Variants in KLHL32 observed in about 807,000 individuals in gnomAD.
KLHL32 encodes kelch-like protein 32.
KLHL32 carries 35 observed loss-of-function variants against 64.8 expected under a neutral mutation model. The ratio of observed to expected loss-of-function variants is 0.54; its 90% CI spans 0.41 to 0.72. KLHL32 has a LOEUF of 0.72. Among genes scored for constraint, KLHL32 ranks in the 30% least tolerant of loss-of-function variants. The pLI, the probability that KLHL32 is intolerant of heterozygous loss-of-function variation, is 0.00. For missense variants in KLHL32, 589 were observed against 768.5 expected, an observed-to-expected ratio of 0.77 and a Z score of 2.76; for synonymous variants, 259 against 281.0, an observed-to-expected ratio of 0.92 and a Z score of 0.78.
At chr6:96,999,801 G>A (rs1778817501) in intron 3 of KLHL32, among the ~76,000 whole-genome samples, 1 of 152,160 alleles carries the variant, frequency 6.6e-6, no homozygotes, top group African/African-American at 2.4e-5. Context: ...GGTAAGAACA[G>A]ATAAACCACA....
intron 1 of KLHL32, among the ~76,000 whole-genome samples, chr6:96,951,487 A>G (rs1772587471): frequency 6.6e-6 from 1 of 152,220 alleles, no homozygotes; most frequent in Non-Finnish European, 1.5e-5. Flanking sequence ...GGCATGTTGG[A>G]CAGTGCGCCA....
intron 3 of KLHL32, among the ~76,000 whole-genome samples, chr6:96,988,271 AC>A (rs1294874594): frequency 6.6e-6 from 1 of 152,126 alleles, no homozygotes; most frequent in Admixed American, 6.5e-5. Flanking sequence ...AAAACAAACA[AC>A]CCCATCCACA....
At chr6:97,040,307 T>C (rs116747140) in intron 3 of KLHL32, among the ~76,000 whole-genome samples, 1,857 of 151,744 alleles carry the variant, frequency 0.012, 40 homozygotes, top group African/African-American at 0.044. Flanking sequence ...AGCATGGGGT[T>C]GTATTTTTTT....
At chr6:96,991,090 C>T (rs1354095527) in intron 3 of KLHL32, among the ~76,000 whole-genome samples, 1 of 151,922 alleles carries the variant, frequency 6.6e-6, no homozygotes, top group Non-Finnish European at 1.5e-5. Context: ...AGAGACTGGG[C>T]TCCTCTCCTT....
intron 6 of KLHL32, chr6:97,105,551 C>T (rs578210444): frequency 3.9e-4 from 183 of 470,138 alleles, no homozygotes; most frequent in Non-Finnish European, 5.5e-4. Flanking sequence ...TGCCTCACAG[C>T]GTGGGATTCT....
At chr6:97,122,448 T>A (rs1298841245) in intron 7 of KLHL32, among the ~76,000 whole-genome samples, 1 of 152,194 alleles carries the variant, frequency 6.6e-6, no homozygotes, top group Non-Finnish European at 1.5e-5. Context: ...ATATGGACAG[T>A]CTAATGTCAT....
At chr6:96,922,849 G>C (rs1392817349), upstream of KLHL32, among the ~76,000 whole-genome samples, 1 of 152,126 alleles carries the variant, frequency 6.6e-6, no homozygotes, top group Non-Finnish European at 1.5e-5. Context: ...TCTTATTTTA[G>C]AGAAATAAAA....
At chr6:97,026,980 G>A (rs900093509) in intron 3 of KLHL32, among the ~76,000 whole-genome samples, 1 of 151,864 alleles carries the variant, frequency 6.6e-6, no homozygotes, top group African/African-American at 2.4e-5. Flanking sequence ...CGGCCAATGT[G>A]GTGAAACCCT....
intron 1 of KLHL32, among the ~76,000 whole-genome samples, chr6:96,933,593 G>T (rs1331928406): frequency 2.0e-5 from 3 of 152,140 alleles, no homozygotes; most frequent in Non-Finnish European, 4.4e-5. Flanking sequence ...TTTGTATCTG[G>T]AGCCTCATGG....
the KLHL32 span, among the ~76,000 whole-genome samples, chr6:96,917,791 A>C: frequency 6.6e-6 from 1 of 152,178 alleles, no homozygotes. Context: ...GAGCATCTTT[A>C]GTGTAAGGAC....
chr6:96,994,180 C>T (rs182563459), intron 3 of KLHL32, among the ~76,000 whole-genome samples: 2 of 152,296 alleles, frequency 1.3e-5, no homozygotes, highest in East Asian at 3.9e-4. Context: ...GTCACATGCC[C>T]TAAACTAGAA....
intron 3 of KLHL32, among the ~76,000 whole-genome samples, chr6:96,983,205 T>C (rs62413889): frequency 0.072 from 10,054 of 140,398 alleles, 414 homozygotes; most frequent in Middle Eastern, 0.16. Flanking sequence ...TATGTTGAAC[T>C]AGCCTTGCAT....
chr6:96,904,339 CAAAAAAAAAAA>C, the KLHL32 span, among the ~76,000 whole-genome samples: 2 of 106,102 alleles, frequency 1.9e-5, no homozygotes, highest in East Asian at 5.3e-4. Context: ...AAGACTTTGT[CAAAAAAAAAAA>C]AAAAAAAAAG....
chr6:96,946,510 T>C (rs1771935968), intron 1 of KLHL32, among the ~76,000 whole-genome samples: 1 of 152,230 alleles, frequency 6.6e-6, no homozygotes, highest in Non-Finnish European at 1.5e-5. Flanking sequence ...TAATTACTTG[T>C]TGATTCTTAA....
At chr6:96,941,778 T>C (rs146540923) in intron 1 of KLHL32, among the ~76,000 whole-genome samples, 2 of 152,190 alleles carry the variant, frequency 1.3e-5, no homozygotes, top group East Asian at 3.9e-4. Flanking sequence ...CCTTTACTGA[T>C]CTCTTCCATC....
At chr6:97,088,066 G>C (rs1297676615) in intron 6 of KLHL32, among the ~76,000 whole-genome samples, 1 of 152,008 alleles carries the variant, frequency 6.6e-6, no homozygotes, top group Non-Finnish European at 1.5e-5. Context: ...GTTCCTCCTA[G>C]ACAAATTTTC....
chr6:97,106,158 G>T, intron 6 of KLHL32, among the ~76,000 whole-genome samples: 1 of 151,974 alleles, frequency 6.6e-6, no homozygotes, highest in Admixed American at 6.6e-5. Flanking sequence ...AACAATAAAG[G>T]AATTAGAATC....
intron 3 of KLHL32, among the ~76,000 whole-genome samples, chr6:97,031,341 AT>A (rs55960372): frequency 0.24 from 34,836 of 146,980 alleles, 4,130 homozygotes; most frequent in African/African-American, 0.31. Flanking sequence ...AGTTTTTAAC[AT>A]TTTTTTTTTT....
chr6:96,962,503 G>C (rs949982218), intron 1 of KLHL32, among the ~76,000 whole-genome samples: 3 of 152,164 alleles, frequency 2.0e-5, no homozygotes, highest in Non-Finnish European at 4.4e-5. Context: ...CTTGAGAACA[G>C]TCCTTGAAGG....
Sources: gnomAD v4.1 joint callset for allele counts (sites outside exome capture counted in the v4.1 genomes callset) on GRCh38, gnomAD v4.1.1 for gene constraint, MANE v1.5 for transcripts, NCBI Gene and HGNC (gene_info 2026-07-23, HGNC 2026-07-21) for gene names.